Variants in PODXL observed in about 807,000 individuals in gnomAD.
PODXL encodes podocalyxin.
Under a neutral mutation model 48.9 loss-of-function variants are expected in PODXL, and 20 were observed. The observed-to-expected ratio is 0.41, with a 90% confidence interval of 0.29 to 0.59. The LOEUF (loss-of-function observed/expected upper bound fraction) is 0.59. Ranked by LOEUF, PODXL falls within the 20% of genes least tolerant of loss-of-function variation. The pLI, the probability that PODXL is intolerant of heterozygous loss-of-function variation, is 0.31. For missense variants in PODXL, 606 were observed against 675.1 expected (o/e 0.90, Z 1.13); for synonymous variants, 295 against 287.4 (o/e 1.03, Z -0.27).
At chr7:131,519,638 G>A (rs1174596289) in intron 1 of PODXL, among the ~76,000 whole-genome samples, 1 of 151,972 alleles carries the variant, frequency 6.6e-6, no homozygotes, top group African/African-American at 2.4e-5. Flanking sequence ...TAAACAATGT[G>A]AGGTACAAAA....
chr7:131,520,208 C>T, intron 1 of PODXL: 2 of 373,354 alleles, frequency 5.4e-6, no homozygotes, highest in East Asian at 7.7e-5. Flanking sequence ...CCCGAGAATG[C>T]ACCATCAACA....
At chr7:131,549,167 G>T (rs892765288) in intron 1 of PODXL, among the ~76,000 whole-genome samples, 5 of 151,970 alleles carry the variant, frequency 3.3e-5, no homozygotes, top group South Asian at 2.1e-4. Context: ...GGGGGGAGGG[G>T]TTTCTAAGCA....
Position 131,504,411 on chromosome 7 carries a change from T to C in PODXL, c.1577A>G (p.Lys526Arg). 1 of 1,614,080 alleles carries C rather than the reference T, an allele frequency of 6.2e-7. No individual in the cohort carries two copies. The highest frequency in any genetic ancestry group is 8.5e-7 in the Non-Finnish European group (1 of 1,179,968). ...CAGCTCCCCGTTGAGGCTGACCACC[T>C]TCTTCTCCTGCATCTCAGAAGAGGT... ...METSSEMQEK[K>R]VVSLNGELGD... is the part of the protein sequence containing the mutation. The change falls in exon 9 of 9, where the codon AAG becomes AGG. Residue 526 changes from lysine (K) to arginine (R), a missense_variant. Physicochemically the swap from Lys to Arg is conservative, Grantham distance 26. Coordinates refer to ENST00000378555, the MANE Select transcript of PODXL (RefSeq NM_001018111.3).
At chr7:131,548,824 G>GCCTGTT (rs3996280) in intron 1 of PODXL, among the ~76,000 whole-genome samples, 89,394 of 151,324 alleles carry the variant, frequency 0.59, 27,184 homozygotes, top group Non-Finnish European at 0.68. Flanking sequence ...CTGCCCATAT[G>GCCTGTT]CCCCCAGGAC....
chr7:131,546,634 G>A lies in PODXL; in HGVS notation c.100+9626C>T, dbSNP rs550248407. On this transcript the variant is annotated intron_variant, in intron 1 of 8. Transcript: ENST00000378555. ...CCAACTATGGGGGAAGCCGAGGTGA[G>A]AGGATCGCTTGAACTCCTGAGGCGG... is the stretch of plus-strand genomic sequence containing the variant. Among the ~76,000 whole-genome samples, 4 of 148,546 alleles carry A rather than the reference G, an allele frequency of 2.7e-5. No individual in the cohort carries two copies. The East Asian group carries it at 6.1e-4, about 23-fold the overall frequency.
chr7:131,546,861 T>C (rs1321563749), intron 1 of PODXL, among the ~76,000 whole-genome samples: 1 of 152,054 alleles, frequency 6.6e-6, no homozygotes, highest in East Asian at 1.9e-4. Flanking sequence ...AGTGGCTTCT[T>C]AGCTAAGCCC....
At chr7:131,544,320 G>C (rs1278908220) in intron 1 of PODXL, among the ~76,000 whole-genome samples, 1 of 152,244 alleles carries the variant, frequency 6.6e-6, no homozygotes, top group African/African-American at 2.4e-5. Flanking sequence ...GTGGCATTCA[G>C]AGATGTGATT....
chr7:131,507,021 C>T, intron 5 of PODXL: 1 of 354,792 alleles, frequency 2.8e-6, no homozygotes. Context: ...CTCTTTTTTC[C>T]CTCCAAGCTG....
intron 1 of PODXL, among the ~76,000 whole-genome samples, chr7:131,539,005 A>T (rs544036965): frequency 6.6e-6 from 1 of 152,284 alleles, no homozygotes; most frequent in East Asian, 1.9e-4. Flanking sequence ...GACAGCCAAC[A>T]CACCAGCCAG....
intron 6 of PODXL, 85 bp from the exon 7 acceptor site, chr7:131,506,406 A>G (rs1251227491): frequency 1.3e-6 from 2 of 1,491,810 alleles, no homozygotes; most frequent in Admixed American, 1.7e-5. Context: ...AGAGGGACGC[A>G]CCGTATCTCA....
Position 131,511,080 on chromosome 7 carries a change from C to A in PODXL, c.454G>T (p.Ala152Ser). The A allele has an allele frequency of 6.2e-7, 1 of 1,614,012 alleles. No individual in the cohort carries two copies. Among genetic ancestry groups the A allele is most frequent in the Non-Finnish European group, 8.5e-7 (1 of 1,180,018 alleles). The change falls in exon 2 of 9, where the codon GCA becomes TCA. Residue 152 changes from alanine (A) to serine (S), a missense_variant. Coordinates refer to ENST00000378555, the MANE Select transcript of PODXL (RefSeq NM_001018111.3). ...KPNTTSSQNG[A>S]EDTTNSGGKS... is the part of the protein sequence containing the mutation. ...CCCCCAGAGTTTGTTGTATCTTCTG[C>A]TCCATTCTGGCTGCTTGTGGTGTTA...
In PODXL at chr7:131,505,741, G is replaced by T. The variant is rs1797786456; in HGVS notation, c.1479+127C>A. 3 of 849,524 alleles carry T rather than the reference G, an allele frequency of 3.5e-6. No individual in the cohort carries two copies. In the South Asian group the frequency reaches 5.4e-5, roughly 15 times the overall value. The allele number at this position is 849,524 out of a possible 1,614,324, so 52.6% of individuals were successfully genotyped here. On this transcript the variant is annotated intron_variant, in intron 8 of 8. Coordinates refer to ENST00000378555, the MANE Select transcript of PODXL (RefSeq NM_001018111.3). ...CTGAGGCGGCTGCCTATCAGGGGTG[G>T]CCTCTGCCTGTTAGAAAGGGTCCAG...
At chr7:131,520,912 A>G (rs1798082199) in intron 1 of PODXL, among the ~76,000 whole-genome samples, 1 of 152,232 alleles carries the variant, frequency 6.6e-6, no homozygotes, top group Admixed American at 6.5e-5. Flanking sequence ...TCACGCCTTT[A>G]ATCCCAGCAC....
chr7:131,519,488 A>G lies in PODXL; in HGVS notation c.101-8055T>C, dbSNP rs951722056. 2.6e-5 allele frequency among the ~76,000 whole-genome samples: 4 copies of G among 152,340 alleles called. No homozygotes were observed. In the South Asian group the frequency reaches 8.3e-4, roughly 32 times the overall value. On this transcript the variant is annotated intron_variant, in intron 1 of 8. Transcript: ENST00000378555. ...AAGAAAAAAATGGAGGAATGAAAGAACAACCAAAGAAATAGAAACCAAAAT... is the reference window on the plus strand; with the variant it reads ...AAGAAAAAAATGGAGGAATGAAAGAGCAACCAAAGAAATAGAAACCAAAAT...
chr7:131,545,551 C>T (rs1277742495), intron 1 of PODXL, among the ~76,000 whole-genome samples: 1 of 152,168 alleles, frequency 6.6e-6, no homozygotes, highest in Non-Finnish European at 1.5e-5. Flanking sequence ...ATGAGTGTTT[C>T]ACAAGATGTT....
Position 131,525,526 on chromosome 7 carries a change from G to C in PODXL, c.101-14093C>G, listed in dbSNP as rs758375347. The stretch of plus-strand genomic sequence containing the variant: ...TCGGGAGGCAGGACCGCTTGAACTG[G>C]GAGGCAGAGGTTGTAGTGAGCTGAG... On this transcript the variant is annotated intron_variant, in intron 1 of 8. Coordinates refer to ENST00000378555, the MANE Select transcript of PODXL (RefSeq NM_001018111.3). Among the ~76,000 whole-genome samples, 16 of 151,286 alleles carry C rather than the reference G, an allele frequency of 1.1e-4. No individual in the cohort carries two copies. In the East Asian group the frequency reaches 1.9e-3, roughly 18 times the overall value.
intron 1 of PODXL, among the ~76,000 whole-genome samples, chr7:131,512,840 G>T (rs1212377817): frequency 1.3e-5 from 2 of 151,784 alleles, no homozygotes; most frequent in East Asian, 3.9e-4. Flanking sequence ...AATAAGCTGG[G>T]CGTGGTGATG....
intron 1 of PODXL, among the ~76,000 whole-genome samples, chr7:131,551,761 C>T (rs987048495): frequency 4.6e-5 from 7 of 152,038 alleles, no homozygotes; most frequent in African/African-American, 1.7e-4. Flanking sequence ...ATGGTGAATC[C>T]CCGTCCCTAC....
intron 5 of PODXL, 45 bp downstream of exon 5, chr7:131,508,904 CCT>C (rs1797857418): frequency 7.7e-7 from 1 of 1,302,904 alleles, no homozygotes; most frequent in Non-Finnish European, 1.1e-6. Context: ...CTCCCTCAGC[CCT>C]GCTGTGAGCC....
Sources: allele counts gnomAD v4.1 joint callset (sites outside exome capture counted in the v4.1 genomes callset), GRCh38; gene constraint gnomAD v4.1.1; transcripts MANE v1.5; gene names NCBI Gene and HGNC (gene_info 2026-07-23, HGNC 2026-07-21).